Variants in NFILZ observed in about 807,000 individuals in gnomAD.
NFILZ encodes NFIL3 like basic leucine zipper.
chr19:8,661,793 G>C (rs1051494791), intron 3 of NFILZ, among the ~76,000 whole-genome samples: 1 of 152,156 alleles, frequency 6.6e-6, no homozygotes, highest in Non-Finnish European at 1.5e-5. Flanking sequence ...CCGGGAGGCT[G>C]AGGCAGGAGA....
chr19:8,642,710 A>T (rs1555746754), intron 3 of NFILZ, among the ~76,000 whole-genome samples: 1 of 152,128 alleles, frequency 6.6e-6, no homozygotes, highest in Non-Finnish European at 1.5e-5. Context: ...AGCAGAGAAT[A>T]TAGCCCTAAT....
intron 3 of NFILZ, among the ~76,000 whole-genome samples, chr19:8,660,707 G>A (rs1408894773): frequency 2.0e-5 from 3 of 147,702 alleles, no homozygotes; most frequent in Admixed American, 6.8e-5. Flanking sequence ...GTGCAGTCTC[G>A]GCTCACTGCA....
rs1369561315 is a variant in NFILZ at position 8,647,789 on chromosome 19, G to A, written c.-164+12043G>A. 4.3e-4 allele frequency among the ~76,000 whole-genome samples: 46 copies of A among 108,000 alleles called. 1 individual carries two copies. The highest frequency in any genetic ancestry group is 1.9e-3 in the East Asian group (6 of 3,124). 70.9% of individuals were successfully genotyped at this position (108,000 alleles called of 152,430 possible). A position where few individuals can be genotyped will look rare whatever the true frequency, so the allele number is the denominator to read the frequency against. On this transcript the variant is annotated intron_variant, in intron 3 of 5. Transcript: ENST00000691075. ...CACACACGCACACATGCGCGCGCGC[G>A]CGCGCGCACACACACACACACACAC...
At chr19:8,643,318 G>C (rs1362160327) in intron 3 of NFILZ, among the ~76,000 whole-genome samples, 1 of 152,164 alleles carries the variant, frequency 6.6e-6, no homozygotes, top group Non-Finnish European at 1.5e-5. Context: ...TTTATAAGTA[G>C]AGACCATAAC....
chr19:8,637,612 C>CAAAA (rs35527793), intron 3 of NFILZ, among the ~76,000 whole-genome samples: 1 of 142,624 alleles, frequency 7.0e-6, no homozygotes, highest in Non-Finnish European at 1.5e-5. Context: ...GACTCCATCT[C>CAAAA]AAAAAAAAAA....
chr19:8,668,468 A>G (rs1279671271), intron 3 of NFILZ, among the ~76,000 whole-genome samples: 1 of 152,114 alleles, frequency 6.6e-6, no homozygotes, highest in African/African-American at 2.4e-5. Flanking sequence ...GACAGTTGTC[A>G]TTCCTTCCTT....
At chr19:8,636,737 G>T (rs1311797038) in intron 3 of NFILZ, among the ~76,000 whole-genome samples, 1 of 151,730 alleles carries the variant, frequency 6.6e-6, no homozygotes, top group Non-Finnish European at 1.5e-5. Context: ...GATTACAGGC[G>T]TGAGCCACCA....
At chr19:8,637,607 C>A (rs2042900378) in intron 3 of NFILZ, among the ~76,000 whole-genome samples, 1 of 51,862 alleles carries the variant, frequency 1.9e-5, no homozygotes. Flanking sequence ...AGTGAGACTC[C>A]ATCTCAAAAA....
At position 8,678,387 on chromosome 19, in the gene NFILZ, T is replaced by C. The variant is rs1325417190; in HGVS notation, c.*752T>C. Among the ~76,000 whole-genome samples, 3 of 151,610 alleles carry C rather than the reference T, an allele frequency of 2.0e-5. No individual in the cohort carries two copies. Among genetic ancestry groups the C allele is most frequent in the Admixed American group, 2.0e-4 (3 of 15,230 alleles). On this transcript the variant is annotated 3_prime_UTR_variant, in exon 6 of 6. Transcript: ENST00000691075. ...TTCTATCTATCCATCCATCCATTCA[T>C]TCATCCACCCATCCACCTATCTATG...
At chr19:8,640,683 A>G (rs1348197241) in intron 3 of NFILZ, among the ~76,000 whole-genome samples, 1 of 152,154 alleles carries the variant, frequency 6.6e-6, no homozygotes, top group African/African-American at 2.4e-5. Flanking sequence ...AGACTTCTGG[A>G]AAATTAGGCA....
intron 3 of NFILZ, among the ~76,000 whole-genome samples, chr19:8,639,940 G>T (rs1167131774): frequency 1.3e-5 from 2 of 152,134 alleles, no homozygotes; most frequent in Non-Finnish European, 2.9e-5. Context: ...CCCTACTGGG[G>T]TTGCCATGTT....
intron 3 of NFILZ, among the ~76,000 whole-genome samples, chr19:8,651,534 CT>C (rs1313214715): frequency 6.7e-6 from 1 of 150,370 alleles, no homozygotes; most frequent in Non-Finnish European, 1.5e-5. Flanking sequence ...TTCTATCTAA[CT>C]TTTTTCTTTC....
chr19:8,673,119 G>A (rs1225772520), intron 3 of NFILZ, among the ~76,000 whole-genome samples: 11 of 151,948 alleles, frequency 7.2e-5, no homozygotes, highest in Admixed American at 7.2e-4. Flanking sequence ...GATTTGAGGG[G>A]TGTCAGTGGC....
intron 4 of NFILZ, among the ~76,000 whole-genome samples, chr19:8,676,116 T>C (rs2967683): frequency 0.35 from 52,514 of 151,690 alleles, 10,387 homozygotes; most frequent in East Asian, 0.63. Context: ...AATGGATAAA[T>C]GGATAGATGG....
chr19:8,652,969 CTCCTTCCTTCCTTCCTTCCTTCCT>C (rs1207071930), intron 3 of NFILZ, among the ~76,000 whole-genome samples: 4 of 114,026 alleles, frequency 3.5e-5, no homozygotes, highest in African/African-American at 7.3e-5. Flanking sequence ...CCTTCCTTCC[CTCCTTCCTTCCTTCCTTCCTTCCT>C]TCCTTCCTTC....
intron 3 of NFILZ, among the ~76,000 whole-genome samples, 189 bp from the exon 4 acceptor site, chr19:8,674,362 C>G (rs1316020227): frequency 6.6e-6 from 1 of 152,090 alleles, no homozygotes; most frequent in African/African-American, 2.4e-5. Flanking sequence ...TTCCATGAGA[C>G]TGGGAGATTT....
At chr19:8,652,537 CT>C (rs1441017679) in intron 3 of NFILZ, among the ~76,000 whole-genome samples, 2 of 152,172 alleles carry the variant, frequency 1.3e-5, no homozygotes, top group Non-Finnish European at 2.9e-5. Context: ...GCAACTTACG[CT>C]TTAAAATTTG....
chr19:8,642,907 G>A (rs2042924644), intron 3 of NFILZ, among the ~76,000 whole-genome samples: 2 of 151,366 alleles, frequency 1.3e-5, no homozygotes, highest in South Asian at 4.2e-4. Context: ...TTGCTGGCGA[G>A]TGGTTGGGTG....
chr19:8,650,616 T>G (rs2146146861), intron 3 of NFILZ, among the ~76,000 whole-genome samples: 1 of 144,962 alleles, frequency 6.9e-6, no homozygotes, highest in South Asian at 2.1e-4. Flanking sequence ...ATTGAACCAC[T>G]GCACTCCAGC....
Sources: gnomAD v4.1 joint callset for allele counts (sites outside exome capture counted in the v4.1 genomes callset) on GRCh38, gnomAD v4.1.1 for gene constraint, MANE v1.5 for transcripts, NCBI Gene and HGNC (gene_info 2026-07-23, HGNC 2026-07-21) for gene names.